The following USP45 variants were observed in gnomAD, a reference collection of about 807,000 sequenced individuals.
USP45 encodes the protein ubiquitin carboxyl-terminal hydrolase 45.
USP45 carries 89 observed loss-of-function variants against 95.8 expected under a neutral mutation model. That is an observed-to-expected ratio of 0.93 (90% CI 0.78 to 1.11). USP45 has a LOEUF of 1.11. Ranked by LOEUF, USP45 falls within the 50% of genes least tolerant of loss-of-function variation. The pLI, the probability that USP45 is intolerant of heterozygous loss-of-function variation, is 0.00. For synonymous variants in USP45, 281 were observed against 316.2 expected (o/e 0.89, Z 1.18); for missense variants, 898 against 942.5 (o/e 0.95, Z 0.62).
intron 5 of USP45, chr6:99,501,803 G>A: frequency 1.4e-6 from 1 of 692,690 alleles, no homozygotes; most frequent in Non-Finnish European, 2.0e-6. Context: ...ATACATTACT[G>A]TTATATAATA....
chr6:99,516,467 T>A (rs972161386), upstream of USP45, among the ~76,000 whole-genome samples: 11 of 152,196 alleles, frequency 7.2e-5, no homozygotes, highest in African/African-American at 2.7e-4. Context: ...AAACACTAAA[T>A]TTTTCTTTAA....
intron 8 of USP45, among the ~76,000 whole-genome samples, chr6:99,477,223 A>G (rs914364912): frequency 6.6e-6 from 1 of 152,228 alleles, no homozygotes; most frequent in Non-Finnish European, 1.5e-5. Context: ...TGCTTGAGAA[A>G]ATCGAAGAAC....
chr6:99,485,804 C>T (rs9483935), intron 7 of USP45, among the ~76,000 whole-genome samples: 1 of 151,934 alleles, frequency 6.6e-6, no homozygotes, highest in Non-Finnish European at 1.5e-5. Flanking sequence ...GGGTTTGTAA[C>T]AAGAATACAG....
chr6:99,432,983 TAC>T lies in USP45; in HGVS notation c.*2731_*2732del, dbSNP rs1462404378. On this transcript the variant is annotated 3_prime_UTR_variant, in exon 18 of 18. Coordinates refer to ENST00000500704, the MANE Select transcript of USP45 (RefSeq NM_001346022.3). The stretch of plus-strand genomic sequence containing the variant: ...AGGCATCAACTATTCTTTGAATTGA[TAC>T]CAACTGTCTTCTTTTTATTTATTTT... 1 of 152,434 alleles carries T rather than the reference TAC, an allele frequency of 6.6e-6. No individual in the cohort carries two copies. The highest frequency in any genetic ancestry group is 1.5e-5 in the Non-Finnish European group (1 of 68,048). 9.4% of individuals were successfully genotyped at this position (152,434 alleles called of 1,614,324 possible).
intron 13 of USP45, among the ~76,000 whole-genome samples, chr6:99,449,943 C>T (rs375614701): frequency 6.6e-6 from 1 of 152,034 alleles, no homozygotes; most frequent in African/African-American, 2.4e-5. Flanking sequence ...GGTTACATAA[C>T]GAAATGAAGG....
At chr6:99,478,772 TAAAAC>T (rs1290789841) in intron 8 of USP45, among the ~76,000 whole-genome samples, 4 of 151,786 alleles carry the variant, frequency 2.6e-5, no homozygotes, top group Non-Finnish European at 5.9e-5. Flanking sequence ...GAAAACCAAA[TAAAAC>T]AAACAAAAAC....
chr6:99,449,806 A>G (rs1783446147), intron 13 of USP45, among the ~76,000 whole-genome samples: 1 of 152,226 alleles, frequency 6.6e-6, no homozygotes, highest in East Asian at 1.9e-4. Flanking sequence ...CAAATGTAAA[A>G]GAACAGAAAT....
chr6:99,512,979 T>C (rs1351088598), intron 1 of USP45, among the ~76,000 whole-genome samples: 1 of 152,172 alleles, frequency 6.6e-6, no homozygotes, highest in African/African-American at 2.4e-5. Context: ...AACAAGTCCT[T>C]CCATGACCCT....
At chr6:99,507,589 C>G (rs1172202587) in intron 3 of USP45, 58 bp from the exon 4 acceptor site, 11 of 1,232,766 alleles carry the variant, frequency 8.9e-6, no homozygotes, top group East Asian at 2.3e-5. Context: ...TCAAATTAAT[C>G]AAAACTTAAA....
At chr6:99,436,016 A>T (rs930338339) in intron 17 of USP45, among the ~76,000 whole-genome samples, 170 bp from the exon 18 acceptor site, 28 of 149,766 alleles carry the variant, frequency 1.9e-4, no homozygotes, top group East Asian at 5.8e-4. Flanking sequence ...TTTTTTTTTT[A>T]AATTATATTT....
At chr6:99,453,363 C>T (rs1784334487) in intron 13 of USP45, among the ~76,000 whole-genome samples, 1 of 151,834 alleles carries the variant, frequency 6.6e-6, no homozygotes, top group Non-Finnish European at 1.5e-5. Flanking sequence ...TTTCTATACA[C>T]TAACAACAAA....
chr6:99,473,895 CAGAT>C (rs1211860165), intron 9 of USP45, among the ~76,000 whole-genome samples: 2 of 151,514 alleles, frequency 1.3e-5, no homozygotes, highest in African/African-American at 4.9e-5. Flanking sequence ...AGAAAGCTGA[CAGAT>C]AGGGACATAA....
chr6:99,469,426 T>C (rs1788753808), intron 9 of USP45, among the ~76,000 whole-genome samples: 1 of 142,748 alleles, frequency 7.0e-6, no homozygotes, highest in Non-Finnish European at 1.6e-5. Context: ...GAGGGAAAAG[T>C]TTAATTATCT....
At position 99,489,808 on chromosome 6, in the gene USP45, G is replaced by A. The variant is rs139390295; in HGVS notation, c.479-988C>T. The stretch of plus-strand genomic sequence containing the variant: ...CTAAAAATACAAAAATTAGCTGGGC[G>A]TGGTGGTGCGTGCAAGCCTGTAGTC... On this transcript the variant is annotated intron_variant, in intron 5 of 17. Coordinates refer to ENST00000500704, the MANE Select transcript of USP45 (RefSeq NM_001346022.3). Among the ~76,000 whole-genome samples the A allele has an allele frequency of 4.2e-3, 633 of 152,066 alleles. 3 individuals carry two copies. The highest frequency in any genetic ancestry group is 0.015 in the African/African-American group (607 of 41,470).
chr6:99,453,033 G>T (rs571890798), intron 13 of USP45, among the ~76,000 whole-genome samples: 8 of 152,216 alleles, frequency 5.3e-5, no homozygotes, highest in Non-Finnish European at 7.4e-5. Context: ...GTTGTGGGGT[G>T]GCGGGAGCAG....
In USP45 at chr6:99,433,310, A is replaced by G. The variant is rs1406620074; in HGVS notation, c.*2406T>C. ...CCAGTTTCTAAATAAAGCTAATGAA[A>G]CTTTAATTCATTCAAACACTATGGT... On this transcript the variant is annotated 3_prime_UTR_variant, in exon 18 of 18. Transcript: ENST00000500704. 2.0e-5 allele frequency: 3 copies of G among 152,642 alleles called. No individual in the cohort carries two copies. The highest frequency in any genetic ancestry group is 4.4e-5 in the Non-Finnish European group (3 of 68,034). 9.5% of individuals were successfully genotyped at this position (152,642 alleles called of 1,614,324 possible).
intron 2 of USP45, among the ~76,000 whole-genome samples, chr6:99,509,719 C>A (rs948019337): frequency 8.7e-5 from 13 of 148,912 alleles, no homozygotes; most frequent in Admixed American, 7.4e-4. Context: ...AAAATGCCAA[C>A]AGGATTTTTT....
chr6:99,482,684 A>G, intron 8 of USP45, 69 bp downstream of exon 8: 4 of 1,414,792 alleles, frequency 2.8e-6, no homozygotes, highest in African/African-American at 1.4e-5. Context: ...ACGACTATTC[A>G]TGTTAAATGA....
At chr6:99,447,407 T>C (rs1319040414) in intron 13 of USP45, among the ~76,000 whole-genome samples, 2 of 152,232 alleles carry the variant, frequency 1.3e-5, no homozygotes, top group African/African-American at 4.8e-5. Context: ...TGCCTCAATT[T>C]TTTTTATCTG....
Sources: allele counts gnomAD v4.1 joint callset (sites outside exome capture counted in the v4.1 genomes callset), GRCh38; gene constraint gnomAD v4.1.1; transcripts MANE v1.5; gene names NCBI Gene and HGNC (gene_info 2026-07-23, HGNC 2026-07-21).